Variants in EXT1 observed in about 807,000 individuals in gnomAD.
EXT1 encodes the protein exostosin-1.
EXT1 carries 20 observed loss-of-function variants against 82.5 expected under a neutral mutation model. The ratio of observed to expected loss-of-function variants is 0.24; its 90% CI spans 0.17 to 0.35. The LOEUF is 0.35. Ranked by LOEUF, EXT1 falls within the 10% of genes least tolerant of loss-of-function variation. The pLI is 1.00. For missense variants in EXT1, 757 were observed against 936.5 expected (o/e 0.81, Z 2.50); for synonymous variants, 348 against 350.8 (o/e 0.99, Z 0.09).
chr8:118,036,031 T>A (rs1816412543), intron 1 of EXT1, among the ~76,000 whole-genome samples: 1 of 152,196 alleles, frequency 6.6e-6, no homozygotes, highest in Admixed American at 6.5e-5. Context: ...ATGACCCATT[T>A]TACTATTCTG....
chr8:118,064,098 A>AG (rs1816933236), intron 1 of EXT1, among the ~76,000 whole-genome samples: 1 of 152,136 alleles, frequency 6.6e-6, no homozygotes, highest in African/African-American at 2.4e-5. Context: ...TCCTGACCTT[A>AG]GGTGATCCAT....
Position 117,901,426 on chromosome 8 carries a change from G to A in EXT1, c.963-64225C>T, listed in dbSNP as rs1342728788. On this transcript the variant is annotated intron_variant, in intron 1 of 10. Coordinates refer to ENST00000378204, the MANE Select transcript of EXT1 (RefSeq NM_000127.3). ...CTGTGGGCCACTTAAAATGAATAGA[G>A]CTTGCAAGACTGGGCACTGCTCTGG... Among the ~76,000 whole-genome samples, 5 of 152,094 alleles carry A rather than the reference G, an allele frequency of 3.3e-5. No homozygotes were observed. The South Asian group carries it at 1.0e-3, about 31-fold the overall frequency.
At chr8:117,809,083 C>T (rs771578292) in intron 8 of EXT1, among the ~76,000 whole-genome samples, 3 of 151,616 alleles carry the variant, frequency 2.0e-5, no homozygotes, top group African/African-American at 7.3e-5. Flanking sequence ...AGCCTGCAGA[C>T]GGCAGATCAT....
At chr8:117,835,730 C>A (rs992576602) in intron 2 of EXT1, among the ~76,000 whole-genome samples, 179 bp from the exon 3 acceptor site, 1 of 152,298 alleles carries the variant, frequency 6.6e-6, no homozygotes, top group Middle Eastern at 3.4e-3. Context: ...GAAGGTTGTA[C>A]GTATCCAGAC....
At position 117,857,893 on chromosome 8, in the gene EXT1, A is replaced by G. The variant is rs9694057; in HGVS notation, c.963-20692T>C. On this transcript the variant is annotated intron_variant, in intron 1 of 10. Transcript: ENST00000378204. ...ATAATTCATGGGAGAAGGTCAAAAT[A>G]TCAACATTAACAGGAGTTTGGAAGA... Among the ~76,000 whole-genome samples, 1,326 of 152,330 alleles carry G rather than the reference A, an allele frequency of 8.7e-3. 21 individuals carry two copies. The highest frequency in any genetic ancestry group is 0.03 in the African/African-American group (1,232 of 41,570).
At chr8:118,051,071 C>T (rs1190367633) in intron 1 of EXT1, among the ~76,000 whole-genome samples, 1 of 152,182 alleles carries the variant, frequency 6.6e-6, no homozygotes, top group African/African-American at 2.4e-5. Context: ...TGTAGTGGCT[C>T]ACGTCTATAA....
At position 118,022,590 on chromosome 8, in the gene EXT1, G is replaced by A. The variant is rs530300039; in HGVS notation, c.962+87495C>T. ...TGACCTCAGGTGATCCACCTGCCTC[G>A]GACTCCCAAAGTGCTGGGATTACAG... On this transcript the variant is annotated intron_variant, in intron 1 of 10. Transcript: ENST00000378204. Among the ~76,000 whole-genome samples, 565 of 150,458 alleles carry A rather than the reference G, an allele frequency of 3.8e-3. 3 individuals carry two copies. The highest frequency in any genetic ancestry group is 0.013 in the African/African-American group (547 of 41,114).
At chr8:118,099,940 C>A (rs1415325935) in intron 1 of EXT1, among the ~76,000 whole-genome samples, 1 of 152,152 alleles carries the variant, frequency 6.6e-6, no homozygotes, top group Non-Finnish European at 1.5e-5. Context: ...TTGCAGGAAG[C>A]AACTTTGGGC....
chr8:117,843,172 G>A (rs1318871830), intron 1 of EXT1, among the ~76,000 whole-genome samples: 1 of 152,198 alleles, frequency 6.6e-6, no homozygotes, highest in Non-Finnish European at 1.5e-5. Context: ...ATGGGGATGA[G>A]AGAAATGAAA....
chr8:118,000,600 A>G (rs1196285133), intron 1 of EXT1, among the ~76,000 whole-genome samples: 4 of 152,194 alleles, frequency 2.6e-5, no homozygotes, highest in Non-Finnish European at 5.9e-5. Context: ...CAAGCAATAA[A>G]TACGCCCTGA....
At chr8:118,035,278 C>G (rs1398488363) in intron 1 of EXT1, among the ~76,000 whole-genome samples, 1 of 152,168 alleles carries the variant, frequency 6.6e-6, no homozygotes, top group East Asian at 1.9e-4. Flanking sequence ...CTCCAAGTCA[C>G]TCTCCAGAGT....
chr8:117,815,343 T>A (rs1437062563), intron 7 of EXT1, among the ~76,000 whole-genome samples: 2 of 152,226 alleles, frequency 1.3e-5, no homozygotes, highest in African/African-American at 4.8e-5. Flanking sequence ...GAGGAAGATG[T>A]AGGGCTTCTT....
At chr8:117,901,474 C>G (rs1325217569) in intron 1 of EXT1, among the ~76,000 whole-genome samples, 1 of 152,070 alleles carries the variant, frequency 6.6e-6, no homozygotes, top group Non-Finnish European at 1.5e-5. Flanking sequence ...TGAGTAAACG[C>G]AAAGGCCTAG....
At chr8:118,049,136 ATT>A (rs1405755560) in intron 1 of EXT1, among the ~76,000 whole-genome samples, 1 of 152,186 alleles carries the variant, frequency 6.6e-6, no homozygotes, top group Non-Finnish European at 1.5e-5. Flanking sequence ...GTAGAAGTTA[ATT>A]TTTTCTTTAT....
chr8:117,929,817 T>C (rs1465941576), intron 1 of EXT1, among the ~76,000 whole-genome samples: 1 of 152,184 alleles, frequency 6.6e-6, no homozygotes, highest in Non-Finnish European at 1.5e-5. Flanking sequence ...CATAGAAAAG[T>C]GTAAGAGCAG....
intron 1 of EXT1, among the ~76,000 whole-genome samples, chr8:117,869,821 C>G (rs915595361): frequency 6.6e-6 from 1 of 152,130 alleles, no homozygotes; most frequent in African/African-American, 2.4e-5. Context: ...TACACACACA[C>G]ACTCACACAT....
intron 1 of EXT1, among the ~76,000 whole-genome samples, chr8:117,849,204 ACT>A (rs1812415031): frequency 6.6e-6 from 1 of 152,136 alleles, no homozygotes; most frequent in Non-Finnish European, 1.5e-5. Context: ...TGCTCCTGGC[ACT>A]CTCTTTCTGT....
At chr8:117,858,791 A>C (rs117605120) in intron 1 of EXT1, among the ~76,000 whole-genome samples, 25,829 of 58,290 alleles carry the variant, frequency 0.44, 8,673 homozygotes, top group Admixed American at 0.58. Flanking sequence ...GCAGGCAGGC[A>C]AGGCAAGGCA....
At chr8:118,093,529 A>G (rs1482276169) in intron 1 of EXT1, among the ~76,000 whole-genome samples, 1 of 152,184 alleles carries the variant, frequency 6.6e-6, no homozygotes, top group Non-Finnish European at 1.5e-5. Flanking sequence ...ATCCTGTTCT[A>G]ACATGCTTTT....
Sources: allele counts gnomAD v4.1 joint callset (sites outside exome capture counted in the v4.1 genomes callset), GRCh38; gene constraint gnomAD v4.1.1; transcripts MANE v1.5; gene names NCBI Gene and HGNC (gene_info 2026-07-23, HGNC 2026-07-21).